MAP3K14: variants seen among roughly 807,000 people sequenced by gnomAD.
The protein encoded by MAP3K14 is NF-kappa-beta-inducing kinase.
Under a neutral mutation model 99.2 loss-of-function variants are expected in MAP3K14, and 16 were observed. The observed-to-expected ratio is 0.16, with a 90% CI of 0.11 to 0.24. The LOEUF is 0.24. MAP3K14 is among the 10% of genes least tolerant of loss of function. MAP3K14 has a pLI of 1.00. For missense variants in MAP3K14, 784 were observed against 1,208.7 expected (o/e 0.65, Z 5.21); for synonymous variants, 462 against 492.4 (o/e 0.94, Z 0.82).
At chr17:45,284,688 C>T (rs765915726) in intron 6 of MAP3K14, 124 bp downstream of exon 6, 7 of 1,313,976 alleles carry the variant, frequency 5.3e-6, no homozygotes, top group African/African-American at 4.4e-5. Context: ...CTAGTGATAG[C>T]CAAGTTCTGT....
intron 13 of MAP3K14, 62 bp from the exon 14 acceptor site, chr17:45,266,743 G>T (rs1312677512): frequency 1.3e-6 from 2 of 1,543,930 alleles, no homozygotes; most frequent in Non-Finnish European, 1.8e-6. Context: ...TCTCCGGCTT[G>T]GGTCTCATTT....
chr17:45,266,506 G>T (rs776686902), intron 14 of MAP3K14, 31 bp downstream of exon 14: 2 of 1,580,784 alleles, frequency 1.3e-6, no homozygotes, highest in African/African-American at 2.7e-5. Context: ...CTGCCACGGG[G>T]ACTGCTGAGC....
intron 1 of MAP3K14, among the ~76,000 whole-genome samples, chr17:45,298,688 G>A (rs1008614446): frequency 1.3e-5 from 2 of 152,236 alleles, no homozygotes. Context: ...TGCAGAGCAA[G>A]GATCTTATGC....
At chr17:45,309,607 C>A (rs2044456704) in intron 1 of MAP3K14, among the ~76,000 whole-genome samples, 1 of 152,218 alleles carries the variant, frequency 6.6e-6, no homozygotes, top group Non-Finnish European at 1.5e-5. Flanking sequence ...CTCTGAGAGC[C>A]TGGCTGGACA....
chr17:45,274,035 A>G (rs1246445055), intron 8 of MAP3K14, 88 bp downstream of exon 8: 1 of 1,475,458 alleles, frequency 6.8e-7, no homozygotes, highest in African/African-American at 1.4e-5. Context: ...GGGGATGACC[A>G]GGCTAGCCCA....
At chr17:45,316,096 T>C (rs767883539) in intron 1 of MAP3K14, among the ~76,000 whole-genome samples, 6 of 152,220 alleles carry the variant, frequency 3.9e-5, no homozygotes, top group Non-Finnish European at 8.8e-5. Flanking sequence ...GTTTTACCAT[T>C]TACTTTGCTG....
chr17:45,263,508 C>G lies in MAP3K14; in HGVS notation c.*1128G>C, dbSNP rs945749245. On this transcript the variant is annotated 3_prime_UTR_variant, in exon 16 of 16. Coordinates refer to ENST00000344686, the MANE Select transcript of MAP3K14 (RefSeq NM_003954.5). The stretch of plus-strand genomic sequence containing the variant: ...AGGAGTCACATGCATGTGGACAGCT[C>G]AAGACTGTGTCCCTTCACCCCATCT... 5 of 152,732 alleles carry G rather than the reference C, an allele frequency of 3.3e-5. No homozygotes were observed. Among genetic ancestry groups the G allele is most frequent in the Admixed American group, 2.6e-4 (4 of 15,280 alleles). 9.5% of individuals were successfully genotyped at this position (152,732 alleles called of 1,614,324 possible). A position where few individuals can be genotyped will look rare whatever the true frequency, so the allele number is the denominator to read the frequency against.
chr17:45,271,314 C>T (rs2044141186), intron 9 of MAP3K14, 93 bp from the exon 10 acceptor site: 11 of 1,095,390 alleles, frequency 1.0e-5, no homozygotes, highest in African/African-American at 3.2e-5. Flanking sequence ...GGGTATCTTA[C>T]ATTTGTCACT....
At chr17:45,282,113 C>T (rs1252969745) in intron 6 of MAP3K14, 1 of 152,010 alleles carries the variant, frequency 6.6e-6, no homozygotes, top group Non-Finnish European at 1.5e-5. Flanking sequence ...ATTTTTTACT[C>T]TTTTGTAGAC....
At chr17:45,301,712 C>CCTAGGACATATAG (rs1491355700) in intron 1 of MAP3K14, among the ~76,000 whole-genome samples, 3 of 152,026 alleles carry the variant, frequency 2.0e-5, no homozygotes, top group Admixed American at 1.3e-4. Context: ...AATGCAGATA[C>CCTAGGACATATAG]CTAGGACATA....
chr17:45,298,563 C>G (rs1293315649), intron 1 of MAP3K14, among the ~76,000 whole-genome samples: 2 of 152,184 alleles, frequency 1.3e-5, no homozygotes, highest in African/African-American at 4.8e-5. Context: ...ATACTTAAGA[C>G]AAAAAGATAT....
At chr17:45,273,345 G>C (rs372333752) in intron 9 of MAP3K14, among the ~76,000 whole-genome samples, 158 bp downstream of exon 9, 1 of 152,182 alleles carries the variant, frequency 6.6e-6, no homozygotes, top group Non-Finnish European at 1.5e-5. Flanking sequence ...ACATTTACGC[G>C]TAACAAAGAA....
At chr17:45,305,092 GTTTTTTTAT>G (rs1361169780) in intron 1 of MAP3K14, among the ~76,000 whole-genome samples, 2 of 151,942 alleles carry the variant, frequency 1.3e-5, no homozygotes, top group Non-Finnish European at 2.9e-5. Flanking sequence ...TTGGTTTTAT[GTTTTTTTAT>G]TTTTTTTATT....
At chr17:45,269,154 G>A (rs987613888) in intron 11 of MAP3K14, among the ~76,000 whole-genome samples, 33 of 152,122 alleles carry the variant, frequency 2.2e-4, no homozygotes, top group Non-Finnish European at 4.0e-4. Context: ...AGGACTACAC[G>A]CATGTGCCAC....
rs1326672585 is a variant in MAP3K14, at chr17:45,287,300, G to A, written c.391C>T (p.Arg131Cys). The A allele has an allele frequency of 3.1e-6, 5 of 1,613,876 alleles. No individual in the cohort carries two copies. The highest frequency in any genetic ancestry group is 2.2e-5 in the South Asian group (2 of 91,090). ...CGACGCTTTCCCTTCCAACACACACGGGCCATTTTGCCCTCTGTAGCATGG... is the reference window on the plus strand; with the variant it reads ...CGACGCTTTCCCTTCCAACACACACAGGCCATTTTGCCCTCTGTAGCATGG... ...VAHATEGKMARVCWKGKRRSK... is the reference protein window; with the variant it reads ...VAHATEGKMACVCWKGKRRSK... The change falls in exon 4 of 16, where the codon CGT (arginine) becomes TGT (cysteine). Residue 131 changes from arginine to cysteine, a missense_variant. Physicochemically the swap from Arg to Cys is radical, Grantham distance 180. Around this residue, in one of 5 missense-constraint regions of MAP3K14, gnomAD observed 188 missense variants for 313.0 expected, o/e 0.60. Transcript: ENST00000344686.
At chr17:45,296,569 C>T (rs2044348050) in intron 1 of MAP3K14, among the ~76,000 whole-genome samples, 1 of 152,086 alleles carries the variant, frequency 6.6e-6, no homozygotes, top group Non-Finnish European at 1.5e-5. Flanking sequence ...GAACCAAGGG[C>T]AAGTATCAGG....
intron 1 of MAP3K14, among the ~76,000 whole-genome samples, chr17:45,313,599 TTCTGTTGC>T (rs2044502908): frequency 6.6e-6 from 1 of 152,188 alleles, no homozygotes; most frequent in South Asian, 2.1e-4. Flanking sequence ...CAAGGACTTG[TTCTGTTGC>T]TCTGGACAAA....
intron 8 of MAP3K14, 179 bp from the exon 9 acceptor site, chr17:45,273,786 C>T (rs1345129635): frequency 2.9e-6 from 2 of 688,844 alleles, no homozygotes; most frequent in African/African-American, 3.5e-5. Context: ...TCAATTCAGG[C>T]TAGAGGTAGG....
rs991361427 is a variant in MAP3K14, at chr17:45,274,728, G to C, written c.1291-135C>G. On this transcript the variant is annotated intron_variant, in intron 6 of 15. Transcript: ENST00000344686. ...CAGTGGTGATGCAGGGGCCTGGGGG[G>C]CCTGCTGGACCCTCAGAGGCTAAAT... is the stretch of plus-strand genomic sequence containing the variant. 6 of 1,082,458 alleles carry C rather than the reference G, an allele frequency of 5.5e-6. No individual in the cohort carries two copies. In the African/African-American group the frequency reaches 7.9e-5, roughly 14 times the overall value. 67.1% of individuals were successfully genotyped at this position (1,082,458 alleles called of 1,614,324 possible). A position where few individuals can be genotyped will look rare whatever the true frequency, so the allele number is the denominator to read the frequency against.
Sources: allele counts gnomAD v4.1 joint callset (sites outside exome capture counted in the v4.1 genomes callset), GRCh38; gene constraint gnomAD v4.1.1; regional missense constraint gnomAD v4.1.1; transcripts MANE v1.5; gene names NCBI Gene and HGNC (gene_info 2026-07-23, HGNC 2026-07-21).